The following SLC35F1 variants were observed in gnomAD, a reference collection of about 807,000 sequenced individuals.
SLC35F1 encodes solute carrier family 35 member F1.
Under a neutral mutation model 48.7 loss-of-function variants are expected in SLC35F1, and 14 were observed. The observed-to-expected ratio is 0.29, with a 90% CI of 0.19 to 0.45. The LOEUF (loss-of-function observed/expected upper bound fraction) is 0.45, where lower values mean the gene tolerates loss of function less well. Ranked by LOEUF, SLC35F1 falls within the 20% of genes least tolerant of loss-of-function variation. The pLI, the probability that SLC35F1 is intolerant of heterozygous loss-of-function variation, is 1.00. For missense variants in SLC35F1, 404 were observed against 500.0 expected, an observed-to-expected ratio of 0.81 and a Z score of 1.83; for synonymous variants, 190 against 202.2, an observed-to-expected ratio of 0.94 and a Z score of 0.51.
intron 2 of SLC35F1, among the ~76,000 whole-genome samples, chr6:118,207,716 G>A (rs904440722): frequency 3.9e-5 from 6 of 152,158 alleles, no homozygotes; most frequent in Admixed American, 6.5e-5. Flanking sequence ...CTGAGACCTC[G>A]TCTGACTTCA....
At chr6:118,059,534 C>T (rs1017044258) in intron 1 of SLC35F1, among the ~76,000 whole-genome samples, 11 of 152,172 alleles carry the variant, frequency 7.2e-5, no homozygotes, top group African/African-American at 2.2e-4. Context: ...AATTCCAAAA[C>T]CTCAGTGGCT....
chr6:117,912,319 A>G (rs1055656526), intron 1 of SLC35F1, among the ~76,000 whole-genome samples: 6 of 152,244 alleles, frequency 3.9e-5, no homozygotes, highest in African/African-American at 1.4e-4. Context: ...GAAGAGTTTG[A>G]AGCAAGCCTA....
intron 1 of SLC35F1, among the ~76,000 whole-genome samples, chr6:118,137,615 C>T (rs899710453): frequency 3.3e-5 from 5 of 152,192 alleles, no homozygotes; most frequent in Admixed American, 2.6e-4. Flanking sequence ...TTTCCCAAAC[C>T]TGCACTGTCC....
At chr6:118,212,897 T>C (rs560702576) in intron 2 of SLC35F1, among the ~76,000 whole-genome samples, 3 of 152,308 alleles carry the variant, frequency 2.0e-5, no homozygotes, top group South Asian at 2.1e-4. Context: ...TAATTAACTT[T>C]GGGAAATCCT....
At chr6:117,913,773 CA>C (rs1453629469) in intron 1 of SLC35F1, among the ~76,000 whole-genome samples, 1 of 152,006 alleles carries the variant, frequency 6.6e-6, no homozygotes, top group African/African-American at 2.4e-5. Flanking sequence ...TTGTTTCAGC[CA>C]GGGGCGGTGG....
chr6:118,247,356 G>A (rs1337343607), intron 3 of SLC35F1, among the ~76,000 whole-genome samples: 2 of 152,146 alleles, frequency 1.3e-5, no homozygotes, highest in African/African-American at 2.4e-5. Context: ...TGACGCTGCT[G>A]CTAGATAGGA....
intron 1 of SLC35F1, among the ~76,000 whole-genome samples, chr6:117,956,063 G>A (rs1776423192): frequency 6.6e-6 from 1 of 152,184 alleles, no homozygotes; most frequent in Non-Finnish European, 1.5e-5. Context: ...TGTCACTTGG[G>A]AGAGTATGAG....
intron 6 of SLC35F1, among the ~76,000 whole-genome samples, chr6:118,280,775 G>C (rs1365771649): frequency 2.0e-5 from 3 of 151,966 alleles, no homozygotes; most frequent in Non-Finnish European, 4.4e-5. Flanking sequence ...CTACTCAGGA[G>C]GCTGAGGATC....
chr6:117,982,137 G>C (rs1307765847), intron 1 of SLC35F1, among the ~76,000 whole-genome samples: 1 of 151,994 alleles, frequency 6.6e-6, no homozygotes, highest in African/African-American at 2.4e-5. Flanking sequence ...TTTATTTACA[G>C]TTTCTGTTTT....
chr6:118,232,718 A>G (rs901117334), intron 2 of SLC35F1, among the ~76,000 whole-genome samples: 1 of 152,022 alleles, frequency 6.6e-6, no homozygotes, highest in Admixed American at 6.6e-5. Flanking sequence ...GCACATGGAA[A>G]GGCCCAGAGA....
intron 1 of SLC35F1, among the ~76,000 whole-genome samples, chr6:118,139,444 A>G (rs1209302221): frequency 6.6e-6 from 1 of 152,210 alleles, no homozygotes; most frequent in Non-Finnish European, 1.5e-5. Context: ...ATAGTTCAAA[A>G]TACTAAATCA....
At position 118,026,428 on chromosome 6, in the gene SLC35F1, G is replaced by A. The variant is rs913650003; in HGVS notation, c.173+118529G>A. On this transcript the variant is annotated intron_variant, in intron 1 of 7. Coordinates refer to ENST00000360388, the MANE Select transcript of SLC35F1 (RefSeq NM_001029858.4). ...GTGACTGGCTGTACTTTTACAGATG[G>A]TGTTTAACTATTGTTTTGTTTTTAA... 7.2e-5 allele frequency among the ~76,000 whole-genome samples: 11 copies of A among 152,134 alleles called. 1 individual carries two copies. Among genetic ancestry groups the A allele is most frequent in the Admixed American group, 5.9e-4 (9 of 15,264 alleles).
At chr6:118,247,939 A>G (rs545365146) in intron 3 of SLC35F1, among the ~76,000 whole-genome samples, 1 of 152,226 alleles carries the variant, frequency 6.6e-6, no homozygotes, top group Non-Finnish European at 1.5e-5. Flanking sequence ...AGTATTATCT[A>G]GCATAATCCA....
intron 1 of SLC35F1, among the ~76,000 whole-genome samples, chr6:118,002,615 T>C (rs544554248): frequency 9.9e-4 from 150 of 151,844 alleles, no homozygotes; most frequent in African/African-American, 3.4e-3. Context: ...ATAATAAAAT[T>C]TAAAAAAAGA....
In SLC35F1 at chr6:118,294,304, AT is replaced by A. The variant is rs1776158091; in HGVS notation, c.1002+8968del. ...TAGTCATTTTTGGCTGATTTCTTTG[AT>A]TCCTTTATTGCTTACCATAGAATTT... On this transcript the variant is annotated intron_variant, in intron 7 of 7. Coordinates refer to ENST00000360388, the MANE Select transcript of SLC35F1 (RefSeq NM_001029858.4). 2.0e-5 allele frequency among the ~76,000 whole-genome samples: 3 copies of A among 152,150 alleles called. No individual in the cohort carries two copies. The South Asian group carries it at 6.2e-4, about 31-fold the overall frequency.
chr6:118,167,116 C>T (rs1357517614), intron 2 of SLC35F1, among the ~76,000 whole-genome samples: 7 of 152,098 alleles, frequency 4.6e-5, no homozygotes. Flanking sequence ...AGTCACTGTG[C>T]TACGAGATGC....
At chr6:118,148,208 C>T (rs998753578) in intron 1 of SLC35F1, among the ~76,000 whole-genome samples, 3 of 152,072 alleles carry the variant, frequency 2.0e-5, no homozygotes, top group African/African-American at 7.2e-5. Flanking sequence ...ATGAAGATGT[C>T]GCCACAGAAA....
At chr6:118,005,867 C>G (rs1242507202) in intron 1 of SLC35F1, among the ~76,000 whole-genome samples, 1 of 152,188 alleles carries the variant, frequency 6.6e-6, no homozygotes, top group Non-Finnish European at 1.5e-5. Context: ...CCCATAGGAT[C>G]ACTTCTTCCT....
chr6:118,266,345 T>C (rs1562344656), intron 3 of SLC35F1, among the ~76,000 whole-genome samples: 1 of 152,196 alleles, frequency 6.6e-6, no homozygotes, highest in Non-Finnish European at 1.5e-5. Context: ...TTTTTTGCTA[T>C]ACTCTATTCA....
Sources: gnomAD v4.1 joint callset for allele counts (sites outside exome capture counted in the v4.1 genomes callset) on GRCh38, gnomAD v4.1.1 for gene constraint, MANE v1.5 for transcripts, NCBI Gene and HGNC (gene_info 2026-07-23, HGNC 2026-07-21) for gene names.